The following DNAH5 variants were observed in gnomAD, a reference collection of about 807,000 sequenced individuals.
DNAH5 encodes the protein dynein axonemal heavy chain 5, also known as axonemal beta dynein heavy chain 5.
DNAH5 carries 372 observed loss-of-function variants against 518.2 expected under a neutral mutation model. That is an observed-to-expected ratio of 0.72 (90% CI 0.66 to 0.78). The LOEUF (loss-of-function observed/expected upper bound fraction) is 0.78. Among genes scored for constraint, DNAH5 ranks in the 30% least tolerant of loss-of-function variants. The pLI is 0.00. For missense variants in DNAH5, 5,523 were observed against 5,687.0 expected, an observed-to-expected ratio of 0.97 and a Z score of 0.93; for synonymous variants, 2,039 against 2,025.9, an observed-to-expected ratio of 1.01 and a Z score of -0.17.
intron 35 of DNAH5, among the ~76,000 whole-genome samples, chr5:13,834,290 C>T (rs542564252): frequency 6.6e-6 from 1 of 152,214 alleles, no homozygotes; most frequent in Non-Finnish European, 1.5e-5. Context: ...GCAGAAAAGA[C>T]TGTAAACTAT....
chr5:13,776,688 G>C lies in DNAH5; in HGVS notation c.9124C>G (p.Arg3042Gly), dbSNP rs760595654. 2.5e-6 allele frequency: 4 copies of C among 1,613,564 alleles called. No homozygotes were observed. The highest frequency in any genetic ancestry group is 1.1e-5 in the South Asian group (1 of 91,076). Residue 3042 changes from arginine (R) to glycine (G), a missense_variant, in exon 55 of 79, where the codon CGA (arginine) becomes GGA (glycine). Physicochemically the swap from Arg to Gly is moderately radical, Grantham distance 125 (BLOSUM62 -2). This residue lies in a region of DNAH5 where 5,121 missense variants were observed against 5,223.3 expected (regional missense o/e 0.98). Coordinates refer to ENST00000265104, the MANE Select transcript of DNAH5 (RefSeq NM_001369.3). The part of the protein sequence containing the change: ...SSGEVSNLFA[R>G]DEIDEINSDL... Reference sequence around the variant, plus strand: ...CTATTAATTTCATCAATTTCATCTCGAGCAAATAGGTTAGAGACCTTAAAA... The same window carrying C: ...CTATTAATTTCATCAATTTCATCTCCAGCAAATAGGTTAGAGACCTTAAAA...
chr5:13,964,466 C>T (rs1259631808), intron 1 of DNAH5, among the ~76,000 whole-genome samples: 5 of 152,188 alleles, frequency 3.3e-5, no homozygotes, highest in African/African-American at 1.2e-4. Flanking sequence ...GGATCAGGCT[C>T]AGAAACTAGA....
At chr5:13,802,523 TC>T (rs1452318373) in intron 47 of DNAH5, among the ~76,000 whole-genome samples, 1 of 152,178 alleles carries the variant, frequency 6.6e-6, no homozygotes, top group Non-Finnish European at 1.5e-5. Flanking sequence ...CGGCTCCTCC[TC>T]CGGACTCCAC....
chr5:13,984,888 G>C (rs920917690), intron 1 of DNAH5, among the ~76,000 whole-genome samples: 2 of 152,128 alleles, frequency 1.3e-5, no homozygotes, highest in African/African-American at 4.8e-5. Context: ...CAGGGATCTA[G>C]AACTAGAAAT....
intron 50 of DNAH5, among the ~76,000 whole-genome samples, chr5:13,789,192 C>T (rs563198915): frequency 1.1e-4 from 16 of 152,096 alleles, no homozygotes; most frequent in Admixed American, 5.9e-4. Context: ...TAATATTCTA[C>T]GTAAAAGTCT....
At chr5:13,979,444 T>C (rs1333616099) in intron 1 of DNAH5, among the ~76,000 whole-genome samples, 2 of 152,158 alleles carry the variant, frequency 1.3e-5, no homozygotes, top group African/African-American at 4.8e-5. Context: ...TTAGTTCCAT[T>C]CACAATGTAG....
intron 1 of DNAH5, among the ~76,000 whole-genome samples, chr5:13,941,336 T>A (rs1211349851): frequency 1.1e-4 from 16 of 152,124 alleles, no homozygotes; most frequent in Admixed American, 1.0e-3. Context: ...CCAGCCAGGG[T>A]AACAGAGTGA....
intron 12 of DNAH5, among the ~76,000 whole-genome samples, chr5:13,906,155 C>T (rs190337019): frequency 3.3e-5 from 5 of 152,330 alleles, no homozygotes; most frequent in African/African-American, 4.8e-5. Context: ...TAGGAAAACA[C>T]TTTGCCTGAT....
At chr5:13,827,298 G>A (rs1007070101) in intron 38 of DNAH5, among the ~76,000 whole-genome samples, 5 of 151,912 alleles carry the variant, frequency 3.3e-5, no homozygotes, top group African/African-American at 1.2e-4. Flanking sequence ...GGATTTGAAT[G>A]TTAATCACCA....
rs768853183 is a variant in DNAH5 at position 13,791,983 on chromosome 5, G to A, written c.8448+11C>T. ...AATGTTATTTGTTTTTCTTTCTTCA[G>A]TGTCACTTACATTTGGTTCCTTGAT... On this transcript the variant is annotated intron_variant, in intron 50 of 78. Transcript: ENST00000265104. The A allele has an allele frequency of 2.7e-5, 43 of 1,602,156 alleles. No homozygotes were observed. In the South Asian group the frequency reaches 3.0e-4, roughly 11 times the overall value.
At chr5:13,842,431 G>GA (rs1179840022) in intron 32 of DNAH5, among the ~76,000 whole-genome samples, 1 of 59,486 alleles carries the variant, frequency 1.7e-5, no homozygotes, top group African/African-American at 6.7e-5. Context: ...AGAAAAGAAA[G>GA]AAAGAAAGAA....
intron 1 of DNAH5, among the ~76,000 whole-genome samples, chr5:13,959,609 C>T (rs942871032): frequency 2.6e-5 from 4 of 152,154 alleles, no homozygotes; most frequent in Non-Finnish European, 5.9e-5. Context: ...GTGGTTTTAC[C>T]CCCGTGGGTC....
chr5:13,730,336 A>G (rs1383541934), intron 68 of DNAH5, among the ~76,000 whole-genome samples: 1 of 152,272 alleles, frequency 6.6e-6, no homozygotes, highest in Non-Finnish European at 1.5e-5. Flanking sequence ...AAGAGTTAAG[A>G]ATAAAGGATA....
intron 61 of DNAH5, among the ~76,000 whole-genome samples, chr5:13,757,141 A>G (rs1217321154): frequency 6.6e-6 from 1 of 152,198 alleles, no homozygotes; most frequent in Admixed American, 6.5e-5. Context: ...TGTCTTTGCT[A>G]TTGTGAACAG....
intron 17 of DNAH5, among the ~76,000 whole-genome samples, chr5:13,888,998 G>A (rs1477558939): frequency 2.0e-5 from 3 of 152,150 alleles, no homozygotes; most frequent in African/African-American, 4.8e-5. Flanking sequence ...AAGCCATGTA[G>A]CAACATGAAG....
intron 21 of DNAH5, 43 bp downstream of exon 21, chr5:13,882,685 T>C (rs761324440): frequency 3.4e-6 from 5 of 1,458,950 alleles, no homozygotes; most frequent in Non-Finnish European, 3.8e-6. Context: ...TCAATGAATG[T>C]TGATTTACAA....
intron 32 of DNAH5, among the ~76,000 whole-genome samples, chr5:13,843,480 A>G (rs1765553009): frequency 6.6e-6 from 1 of 152,152 alleles, no homozygotes; most frequent in South Asian, 2.1e-4. Context: ...CTGAAGTCCT[A>G]AGCCCTGATA....
At chr5:13,783,800 T>C (rs1755557866) in intron 52 of DNAH5, among the ~76,000 whole-genome samples, 1 of 152,236 alleles carries the variant, frequency 6.6e-6, no homozygotes, top group Non-Finnish European at 1.5e-5. Flanking sequence ...TATCGTGCCT[T>C]GTAACTAGGC....
At chr5:13,967,991 T>TCAGTAG (rs1171171358) in intron 1 of DNAH5, among the ~76,000 whole-genome samples, 1 of 152,248 alleles carries the variant, frequency 6.6e-6, no homozygotes, top group Non-Finnish European at 1.5e-5. Context: ...ATGATTTCTT[T>TCAGTAG]CAGTAGTGTT....
Sources: gnomAD v4.1 joint callset for allele counts (sites outside exome capture counted in the v4.1 genomes callset) on GRCh38, gnomAD v4.1.1 for gene constraint, gnomAD v4.1.1 regional missense constraint, MANE v1.5 for transcripts, NCBI Gene and HGNC (gene_info 2026-07-23, HGNC 2026-07-21) for gene names.